Variants in UGT1A8 observed in about 807,000 individuals in gnomAD.
UGT1A8 encodes the protein UDP glucuronosyltransferase family 1 member A8, also known as UDP-glucuronosyltransferase 1A8.
Under a neutral mutation model 45.3 loss-of-function variants are expected in UGT1A8, and 39 were observed. That is an observed-to-expected ratio of 0.86 (90% CI 0.67 to 1.12). The LOEUF (loss-of-function observed/expected upper bound fraction) is 1.12. UGT1A8 is among the 50% of genes most tolerant of loss of function. The pLI is 0.00. For missense variants in UGT1A8, 719 were observed against 664.9 expected (o/e 1.08, Z -0.90); for synonymous variants, 275 against 249.2 (o/e 1.10, Z -0.97).
intron 1 of UGT1A8, among the ~76,000 whole-genome samples, chr2:233,626,709 A>G (rs1386985446): frequency 6.6e-6 from 1 of 152,018 alleles, no homozygotes; most frequent in Non-Finnish European, 1.5e-5. Context: ...AATCTTTTCC[A>G]TAGAAAACTG....
intron 1 of UGT1A8, among the ~76,000 whole-genome samples, chr2:233,720,053 A>T (rs2076826594): frequency 6.6e-6 from 1 of 152,182 alleles, no homozygotes; most frequent in Non-Finnish European, 1.5e-5. Flanking sequence ...CTGAACGGTG[A>T]TGCAACAGTA....
intron 1 of UGT1A8, chr2:233,729,354 C>A (rs767130471): frequency 2.5e-6 from 4 of 1,614,190 alleles, no homozygotes; most frequent in Non-Finnish European, 2.5e-6. Context: ...ACTTTTTCAC[C>A]CTGACAACCT....
chr2:233,762,443 C>A (rs1698075308), intron 1 of UGT1A8, among the ~76,000 whole-genome samples: 1 of 152,222 alleles, frequency 6.6e-6, no homozygotes, highest in Non-Finnish European at 1.5e-5. Flanking sequence ...TGTATTCCCA[C>A]TGCCCACTTA....
intron 1 of UGT1A8, chr2:233,693,537 T>G: frequency 6.2e-7 from 1 of 1,614,218 alleles, no homozygotes; most frequent in Non-Finnish European, 8.5e-7. Flanking sequence ...CCGTGTTCCC[T>G]GGAGCATACA....
chr2:233,643,939 C>A (rs1373248771), intron 1 of UGT1A8, among the ~76,000 whole-genome samples: 1 of 152,144 alleles, frequency 6.6e-6, no homozygotes, highest in African/African-American at 2.4e-5. Flanking sequence ...ACAAAGTCCT[C>A]CCCACTTTTC....
chr2:233,768,263 T>C lies in UGT1A8; in HGVS notation c.1119T>C (p.His373=), dbSNP rs1699595501. The C allele has an allele frequency of 2.5e-6, 4 of 1,614,154 alleles. No individual in the cohort carries two copies. Among genetic ancestry groups the C allele is most frequent in the Non-Finnish European group, 3.4e-6 (4 of 1,180,014 alleles). ...CCTTTATCACCCATGCTGGTTCCCA[T>C]GGTGTTTATGAAAGCATATGCAATG... The part of the protein sequence containing the change: ...TRAFITHAGS[H]GVYESICNGV... Residue 373 remains histidine (H), a synonymous_variant, in exon 4 of 5, where the codon CAT becomes CAC. Coordinates refer to ENST00000373450, the MANE Select transcript of UGT1A8 (RefSeq NM_019076.5).
intron 1 of UGT1A8, among the ~76,000 whole-genome samples, chr2:233,620,804 T>C (rs771572242): frequency 8.5e-5 from 13 of 152,142 alleles, no homozygotes; most frequent in Admixed American, 1.3e-4. Flanking sequence ...GAAAGAAGGA[T>C]GGACACTGCG....
chr2:233,635,362 G>A (rs1239607392), intron 1 of UGT1A8, among the ~76,000 whole-genome samples: 1 of 150,580 alleles, frequency 6.6e-6, no homozygotes, highest in African/African-American at 2.5e-5. Context: ...TGCTAGGCTG[G>A]GGAAGTTCTC....
chr2:233,692,830 A>T, intron 1 of UGT1A8: 1 of 1,442,932 alleles, frequency 6.9e-7, no homozygotes, highest in Non-Finnish European at 9.1e-7. Flanking sequence ...CCATGTGATT[A>T]AAATGGTTAA....
chr2:233,624,365 G>GT (rs1473908002), intron 1 of UGT1A8, among the ~76,000 whole-genome samples: 2 of 152,098 alleles, frequency 1.3e-5, no homozygotes, highest in African/African-American at 4.8e-5. Flanking sequence ...GTCAGTGTGT[G>GT]TTTGCCTGAC....
chr2:233,621,421 CT>C (rs1224194929), intron 1 of UGT1A8, among the ~76,000 whole-genome samples: 2 of 152,128 alleles, frequency 1.3e-5, no homozygotes, highest in African/African-American at 4.8e-5. Context: ...CTCTGCAGAC[CT>C]GGGGATGGAA....
intron 1 of UGT1A8, chr2:233,690,406 A>G (rs1332144617): frequency 5.9e-6 from 7 of 1,193,304 alleles, no homozygotes; most frequent in Non-Finnish European, 7.7e-6. Flanking sequence ...TATTCCCAAC[A>G]TGAAATTACC....
chr2:233,691,111 G>A (rs1254246135), intron 1 of UGT1A8: 1 of 985,788 alleles, frequency 1.0e-6, no homozygotes, highest in Non-Finnish European at 1.2e-6. Context: ...ATTCCTACAT[G>A]CTTGCTTAAG....
intron 1 of UGT1A8, chr2:233,693,924 C>T: frequency 6.2e-7 from 1 of 1,609,314 alleles, no homozygotes; most frequent in East Asian, 2.2e-5. Context: ...TCCTCCCTCA[C>T]TCATTTGGCT....
At chr2:233,747,194 T>C in intron 1 of UGT1A8, 2 of 1,604,420 alleles carry the variant, frequency 1.2e-6, no homozygotes, top group Non-Finnish European at 1.7e-6. Context: ...GACAGTCAGC[T>C]GTCCGTGTCT....
At chr2:233,772,143 C>T in intron 4 of UGT1A8, 119 bp from the exon 5 acceptor site, 2 of 1,550,602 alleles carry the variant, frequency 1.3e-6, no homozygotes, top group Non-Finnish European at 1.7e-6. Flanking sequence ...ATAATAGAAA[C>T]AGGTTTCCTT....
intron 1 of UGT1A8, among the ~76,000 whole-genome samples, chr2:233,744,897 C>T (rs1246744781): frequency 6.6e-6 from 1 of 151,970 alleles, no homozygotes; most frequent in East Asian, 1.9e-4. Context: ...CCTCTCCATA[C>T]CAAAATCTAG....
intron 1 of UGT1A8, among the ~76,000 whole-genome samples, chr2:233,704,992 C>T (rs970077925): frequency 2.6e-5 from 4 of 151,900 alleles, no homozygotes; most frequent in South Asian, 4.1e-4. Context: ...AGAAATTAGC[C>T]GGGTATGGTG....
At chr2:233,671,478 T>C (rs1021019712) in intron 1 of UGT1A8, among the ~76,000 whole-genome samples, 1 of 152,154 alleles carries the variant, frequency 6.6e-6, no homozygotes, top group Non-Finnish European at 1.5e-5. Context: ...AAGGGCCTTG[T>C]TTTCTTTGCT....
Sources: gnomAD v4.1 joint callset for allele counts (sites outside exome capture counted in the v4.1 genomes callset) on GRCh38, gnomAD v4.1.1 for gene constraint, MANE v1.5 for transcripts, NCBI Gene and HGNC (gene_info 2026-07-23, HGNC 2026-07-21) for gene names.